Variants in SGCZ observed in about 807,000 individuals in gnomAD.
The protein encoded by SGCZ is sarcoglycan zeta, also known as zeta-sarcoglycan.
SGCZ carries 40 observed loss-of-function variants against 41.3 expected under a neutral mutation model. The ratio of observed to expected loss-of-function variants is 0.97; its 90% CI spans 0.75 to 1.26. SGCZ has a LOEUF of 1.26. Ranked by LOEUF, SGCZ falls within the 50% of genes most tolerant of loss-of-function variation. SGCZ has a pLI of 0.00. For synonymous variants in SGCZ, 206 were observed against 137.5 expected (o/e 1.50, Z -3.49); for missense variants, 552 against 369.8 (o/e 1.49, Z -4.04).
At chr8:14,913,652 A>G (rs1349265965) in intron 1 of SGCZ, among the ~76,000 whole-genome samples, 2 of 152,064 alleles carry the variant, frequency 1.3e-5, no homozygotes, top group African/African-American at 4.8e-5. Flanking sequence ...TGATCCTTAG[A>G]AAAATCTATT....
In SGCZ at chr8:14,915,697, G is replaced by A. The variant is rs370264473; in HGVS notation, c.39+321888C>T. ...CAAACCAATCTGTGTTCCCTTCGTA[G>A]TAAATCAAACACCACCTTCTCCAGC... On this transcript the variant is annotated intron_variant, in intron 1 of 7. Coordinates refer to ENST00000382080, the MANE Select transcript of SGCZ (RefSeq NM_139167.4). Among the ~76,000 whole-genome samples, 7 of 152,098 alleles carry A rather than the reference G, an allele frequency of 4.6e-5. No homozygotes were observed. In the East Asian group the frequency reaches 5.8e-4, roughly 13 times the overall value.
chr8:14,107,044 G>T (rs1381484451), intron 6 of SGCZ, among the ~76,000 whole-genome samples: 1 of 151,764 alleles, frequency 6.6e-6, no homozygotes, highest in Non-Finnish European at 1.5e-5. Context: ...GTGAAACCCC[G>T]TCTCTACTAA....
intron 2 of SGCZ, among the ~76,000 whole-genome samples, chr8:14,528,865 G>T (rs1803039325): frequency 2.0e-5 from 3 of 146,368 alleles, no homozygotes; most frequent in South Asian, 2.1e-4. Context: ...AAGAGAAAGT[G>T]CCAAAATCTT....
chr8:14,087,078 C>A lies in SGCZ; in HGVS notation c.*3365G>T, dbSNP rs1342287877. Among the ~76,000 whole-genome samples, 1 of 151,522 alleles carries A rather than the reference C, an allele frequency of 6.6e-6. No homozygotes were observed. The highest frequency in any genetic ancestry group is 6.6e-5 in the Admixed American group (1 of 15,144). The stretch of plus-strand genomic sequence containing the variant: ...TTTCCGAGATTTGAAGTACTGTAAT[C>A]TAAGATTCCTAAGTTACAGTAAAAT... On this transcript the variant is annotated 3_prime_UTR_variant, in exon 8 of 8. Transcript: ENST00000382080.
chr8:14,567,187 G>A (rs987784148), intron 1 of SGCZ, among the ~76,000 whole-genome samples: 29 of 152,182 alleles, frequency 1.9e-4, no homozygotes, highest in Admixed American at 8.5e-4. Context: ...CCACAGCGCC[G>A]GGTCCCATGG....
At chr8:14,195,341 A>G (rs922974570) in intron 4 of SGCZ, among the ~76,000 whole-genome samples, 26 of 152,132 alleles carry the variant, frequency 1.7e-4, no homozygotes, top group African/African-American at 6.0e-4. Context: ...AGCTGAAAAT[A>G]TAAGTGAACT....
chr8:14,908,738 C>T (rs1248914897), intron 1 of SGCZ, among the ~76,000 whole-genome samples: 1 of 90,200 alleles, frequency 1.1e-5, no homozygotes, highest in African/African-American at 5.0e-5. Flanking sequence ...GATCTGTCAC[C>T]GTTGCAAAAA....
chr8:14,169,614 C>T (rs544428692), intron 4 of SGCZ, among the ~76,000 whole-genome samples: 2 of 152,296 alleles, frequency 1.3e-5, no homozygotes, highest in African/African-American at 4.8e-5. Flanking sequence ...CAACAACACA[C>T]TTCCTGTAGC....
chr8:14,710,556 T>G (rs1425702779), intron 1 of SGCZ, among the ~76,000 whole-genome samples: 1 of 152,122 alleles, frequency 6.6e-6, no homozygotes, highest in African/African-American at 2.4e-5. Flanking sequence ...ACTGTCTACG[T>G]GAGTTAATAA....
At chr8:14,926,986 A>T (rs1799775001) in intron 1 of SGCZ, among the ~76,000 whole-genome samples, 5 of 151,792 alleles carry the variant, frequency 3.3e-5, no homozygotes, top group Admixed American at 3.3e-4. Flanking sequence ...CTTTCCTTAC[A>T]TTTCCAGAAT....
intron 3 of SGCZ, among the ~76,000 whole-genome samples, chr8:14,317,973 A>T: frequency 6.8e-6 from 1 of 146,326 alleles, no homozygotes; most frequent in East Asian, 2.0e-4. Flanking sequence ...TACCAATTAG[A>T]AAAAAAAAAA....
intron 1 of SGCZ, among the ~76,000 whole-genome samples, chr8:15,065,068 A>G (rs543701751): frequency 7.5e-4 from 114 of 152,210 alleles, no homozygotes; most frequent in African/African-American, 2.4e-3. Flanking sequence ...AAATCTGATC[A>G]TGTCAGTCCT....
At chr8:15,118,415 A>G (rs1370311180) in intron 1 of SGCZ, among the ~76,000 whole-genome samples, 3 of 152,154 alleles carry the variant, frequency 2.0e-5, no homozygotes, top group Non-Finnish European at 2.9e-5. Context: ...AGGCTTGAAA[A>G]TGCAGTGGGG....
Position 14,775,671 on chromosome 8 carries a change from G to A in SGCZ, c.40-220745C>T, listed in dbSNP as rs149488266. On this transcript the variant is annotated intron_variant, in intron 1 of 7. Transcript: ENST00000382080. ...TTTGGTTACATAGAGAAGTAAGTGTGGTTTGGATTTAATTATATGCAAAAT... is the reference window on the plus strand; with the variant it reads ...TTTGGTTACATAGAGAAGTAAGTGTAGTTTGGATTTAATTATATGCAAAAT... 4.5e-3 allele frequency among the ~76,000 whole-genome samples: 685 copies of A among 152,230 alleles called. 1 individual carries two copies. Among genetic ancestry groups the A allele is most frequent in the East Asian group, 0.01 (54 of 5,184 alleles).
At chr8:15,182,278 A>T (rs1800201600) in intron 1 of SGCZ, among the ~76,000 whole-genome samples, 1 of 152,222 alleles carries the variant, frequency 6.6e-6, no homozygotes, top group Non-Finnish European at 1.5e-5. Context: ...TAAAATATAG[A>T]TTAGCATTAT....
rs142830183 is a variant in SGCZ at position 14,397,016 on chromosome 8, T to A, written c.235-72812A>T. Among the ~76,000 whole-genome samples the A allele has an allele frequency of 5.2e-3, 786 of 152,312 alleles. 3 individuals are homozygous for A. Among genetic ancestry groups the A allele is most frequent in the Middle Eastern group, 0.014 (4 of 294 alleles). On this transcript the variant is annotated intron_variant, in intron 2 of 7. Coordinates refer to ENST00000382080, the MANE Select transcript of SGCZ (RefSeq NM_139167.4). ...ATAAATGTTCCTATAGCAAAGTTAT[T>A]TGAACTTTACAGGACTCAAATTTAT...
At chr8:14,264,386 T>C (rs1430361615) in intron 3 of SGCZ, among the ~76,000 whole-genome samples, 1 of 152,096 alleles carries the variant, frequency 6.6e-6, no homozygotes, top group Admixed American at 6.5e-5. Context: ...CTAGGCTGGT[T>C]ACTGTGGATG....
At chr8:14,197,612 A>G (rs1374293620) in intron 4 of SGCZ, among the ~76,000 whole-genome samples, 2 of 152,094 alleles carry the variant, frequency 1.3e-5, no homozygotes, top group Non-Finnish European at 2.9e-5. Flanking sequence ...TTCAAATTAC[A>G]TTTATTATAA....
At chr8:14,547,841 A>C (rs1803677863) in intron 2 of SGCZ, among the ~76,000 whole-genome samples, 1 of 152,162 alleles carries the variant, frequency 6.6e-6, no homozygotes, top group South Asian at 2.1e-4. Context: ...TAACATCATC[A>C]ATCTTGTTAA....
Sources: gnomAD v4.1 joint callset for allele counts (sites outside exome capture counted in the v4.1 genomes callset) on GRCh38, gnomAD v4.1.1 for gene constraint, MANE v1.5 for transcripts, NCBI Gene and HGNC (gene_info 2026-07-23, HGNC 2026-07-21) for gene names.